The following CPVL variants were observed in gnomAD, a reference collection of about 807,000 sequenced individuals.
CPVL encodes probable serine carboxypeptidase CPVL.
In CPVL, 51 loss-of-function variants were observed where a neutral mutation model predicts 63.7. That is an observed-to-expected ratio of 0.80 (90% CI 0.64 to 1.01). The LOEUF (loss-of-function observed/expected upper bound fraction) is 1.01. CPVL is among the 50% of genes least tolerant of loss of function. The pLI is 0.00. For synonymous variants in CPVL, 195 were observed against 206.0 expected, an observed-to-expected ratio of 0.95 and a Z score of 0.46; for missense variants, 530 against 573.1, an observed-to-expected ratio of 0.92 and a Z score of 0.77.
chr7:29,176,140 C>T (rs553423114), intron 5 of CPVL, among the ~76,000 whole-genome samples: 35 of 151,620 alleles, frequency 2.3e-4, no homozygotes, highest in African/African-American at 8.2e-4. Context: ...GAGCCAAGAT[C>T]GCGCCACTGC....
intron 11 of CPVL, among the ~76,000 whole-genome samples, chr7:29,055,899 T>C (rs1019855198): frequency 3.3e-5 from 5 of 152,240 alleles, no homozygotes; most frequent in African/African-American, 1.2e-4. Context: ...TGTATTTTCC[T>C]TCACAGAGTC....
At chr7:29,029,355 T>C (rs952045649) in intron 12 of CPVL, among the ~76,000 whole-genome samples, 43 of 152,246 alleles carry the variant, frequency 2.8e-4, no homozygotes, top group African/African-American at 1.0e-3. Context: ...CTGCACGCCA[T>C]GTTTATCATA....
chr7:29,080,637 T>C (rs574516282), intron 7 of CPVL, among the ~76,000 whole-genome samples: 13 of 151,678 alleles, frequency 8.6e-5, no homozygotes, highest in Non-Finnish European at 1.9e-4. Flanking sequence ...AAGGCAGCCA[T>C]GCATGAACTC....
rs372394394 is a variant in CPVL, at chr7:29,030,699, A to G, written c.1198T>C (p.Leu400=). The part of the protein sequence containing the change: ...IVAAALTERS[L]MGMDWKGSQE... ...GATCCTTTCCAGTCCATGCCCATCA[A>G]GGAGCGCTCTGTCAGGGCAGCTGCC... is the stretch of plus-strand genomic sequence containing the variant. Residue 400 remains leucine, a synonymous_variant, in exon 12 of 13, where the codon TTG becomes CTG. Transcript: ENST00000265394. 1.9e-5 allele frequency: 30 copies of G among 1,613,780 alleles called. No homozygotes were observed. In the South Asian group the frequency reaches 3.2e-4, roughly 17 times the overall value.
chr7:29,031,520 G>A lies in CPVL; in HGVS notation c.1138-761C>T, dbSNP rs143436102. 6.9e-3 allele frequency among the ~76,000 whole-genome samples: 1,057 copies of A among 152,158 alleles called. 11 individuals are homozygous for A. The highest frequency in any genetic ancestry group is 0.024 in the African/African-American group (981 of 41,526). On this transcript the variant is annotated intron_variant, in intron 11 of 12. Transcript: ENST00000265394. ...TCAGATAATTCCCAATTCTGATAAA[G>A]TTGTAGAACTAATGGGGACAGTATA...
At chr7:29,131,633 C>T (rs1790708143) in intron 1 of CPVL, among the ~76,000 whole-genome samples, 2 of 152,252 alleles carry the variant, frequency 1.3e-5, no homozygotes, top group South Asian at 4.2e-4. Flanking sequence ...CCACCTCATC[C>T]TCCAGAGTAG....
At chr7:29,089,517 T>C (rs555263260) in intron 6 of CPVL, among the ~76,000 whole-genome samples, 39 of 152,154 alleles carry the variant, frequency 2.6e-4, no homozygotes, top group Non-Finnish European at 3.7e-4. Flanking sequence ...CTGGATCAAA[T>C]TGAGGACTAG....
intron 1 of CPVL, among the ~76,000 whole-genome samples, chr7:29,133,522 G>A (rs1047241202): frequency 1.7e-4 from 26 of 152,196 alleles, no homozygotes; most frequent in Admixed American, 1.2e-3. Context: ...CAAAATGAGA[G>A]TGCCTCTCAA....
intron 11 of CPVL, among the ~76,000 whole-genome samples, chr7:29,048,806 T>C (rs748230384): frequency 1.6e-4 from 25 of 151,728 alleles, no homozygotes; most frequent in Non-Finnish European, 2.8e-4. Context: ...TTTAAGAAAA[T>C]TGAAATTATA....
rs1351272302 is a variant in CPVL at position 29,028,819 on chromosome 7, G to C, written c.1320+1758C>G. On this transcript the variant is annotated intron_variant, in intron 12 of 12. Coordinates refer to ENST00000265394, the MANE Select transcript of CPVL (RefSeq NM_031311.5). ...TCTCTACTAAAAATAGAAAAACTTA[G>C]CCGGGTGTGGTGGCAGGCGCCTGTA... 7.2e-5 allele frequency among the ~76,000 whole-genome samples: 11 copies of C among 152,114 alleles called. No individual in the cohort carries two copies. The East Asian group carries it at 1.5e-3, about 21-fold the overall frequency.
At chr7:29,151,434 C>T (rs1287886745), upstream of CPVL, among the ~76,000 whole-genome samples, 1 of 152,054 alleles carries the variant, frequency 6.6e-6, no homozygotes, top group East Asian at 1.9e-4. Context: ...TGGAAAAAGC[C>T]AGGCAAATAA....
intron 12 of CPVL, among the ~76,000 whole-genome samples, chr7:29,003,307 CAATG>C (rs897124801): frequency 9.9e-5 from 15 of 152,002 alleles, no homozygotes; most frequent in Non-Finnish European, 2.1e-4. Context: ...TCAACAGAAA[CAATG>C]AAAGCTGGAA....
chr7:29,086,872 G>A (rs982801957), intron 6 of CPVL, among the ~76,000 whole-genome samples: 2 of 152,188 alleles, frequency 1.3e-5, no homozygotes, highest in Non-Finnish European at 2.9e-5. Context: ...AATTCTTGGA[G>A]GTAGTTCTGC....
chr7:29,178,846 A>T (rs1562810902), intron 5 of CPVL, among the ~76,000 whole-genome samples: 1 of 152,228 alleles, frequency 6.6e-6, no homozygotes, highest in Non-Finnish European at 1.5e-5. Flanking sequence ...CAGCCAATAA[A>T]AATGGGTTTG....
At chr7:29,063,703 T>A (rs183712401) in intron 11 of CPVL, among the ~76,000 whole-genome samples, 1 of 152,258 alleles carries the variant, frequency 6.6e-6, no homozygotes, top group East Asian at 1.9e-4. Context: ...CCCAAGTAGC[T>A]GGGATTACAG....
chr7:29,148,017 C>T (rs1035358848), upstream of CPVL, among the ~76,000 whole-genome samples: 1 of 152,162 alleles, frequency 6.6e-6, no homozygotes, highest in Non-Finnish European at 1.5e-5. Context: ...GGTGGAAGCT[C>T]GGTCAAGCTT....
intron 6 of CPVL, among the ~76,000 whole-genome samples, chr7:29,090,834 C>T (rs2128603477): frequency 6.6e-6 from 1 of 152,298 alleles, no homozygotes; most frequent in African/African-American, 2.4e-5. Flanking sequence ...CGGTAAATGT[C>T]TCCTTACAGC....
intron 1 of CPVL, among the ~76,000 whole-genome samples, chr7:29,134,185 C>G (rs1009805068): frequency 1.3e-5 from 2 of 152,184 alleles, no homozygotes; most frequent in African/African-American, 4.8e-5. Flanking sequence ...GCAGTAAGGA[C>G]TCTATACCTT....
At chr7:29,167,071 A>T (rs566355476) in intron 5 of CPVL, among the ~76,000 whole-genome samples, 1 of 152,280 alleles carries the variant, frequency 6.6e-6, no homozygotes, top group South Asian at 2.1e-4. Flanking sequence ...ACTCCAAACA[A>T]CTTGACGAAA....
Sources: gnomAD v4.1 joint callset for allele counts (sites outside exome capture counted in the v4.1 genomes callset) on GRCh38, gnomAD v4.1.1 for gene constraint, MANE v1.5 for transcripts, NCBI Gene and HGNC (gene_info 2026-07-23, HGNC 2026-07-21) for gene names.